Variants in NIPBL observed in about 807,000 individuals in gnomAD.
NIPBL encodes nipped-B-like protein.
NIPBL carries 19 observed loss-of-function variants against 321.8 expected under a neutral mutation model. That is an observed-to-expected ratio of 0.06 (90% confidence interval 0.04 to 0.09). NIPBL has a LOEUF of 0.09. Among genes scored for constraint, NIPBL ranks in the 10% least tolerant of loss-of-function variants. The pLI, the probability that NIPBL is intolerant of heterozygous loss-of-function variation, is 1.00. For synonymous variants in NIPBL, 1,106 were observed against 1,114.1 expected (o/e 0.99, Z 0.14); for missense variants, 2,210 against 3,327.0 (o/e 0.66, Z 8.26).
chr5:37,061,977 G>A (rs1412136148), intron 45 of NIPBL, among the ~76,000 whole-genome samples: 3 of 152,138 alleles, frequency 2.0e-5, no homozygotes, highest in Non-Finnish European at 4.4e-5. Context: ...GCATAGCTGG[G>A]ATTACAGGCG....
chr5:37,061,166 T>C, intron 45 of NIPBL, 148 bp downstream of exon 45: 1 of 642,426 alleles, frequency 1.6e-6, no homozygotes, highest in Admixed American at 2.9e-5. Context: ...CTTATTTTAA[T>C]GAGTTACTTT....
At chr5:36,943,054 TTTG>T (rs1739288452) in intron 1 of NIPBL, among the ~76,000 whole-genome samples, 1 of 152,192 alleles carries the variant, frequency 6.6e-6, no homozygotes, top group Non-Finnish European at 1.5e-5. Flanking sequence ...ACTTCAAATT[TTTG>T]TTGTATTTTT....
At position 37,000,374 on chromosome 5, in the gene NIPBL, C is replaced by T. The variant is rs1409981092; in HGVS notation, c.3306C>T (p.Ser1102=). 1.8e-5 allele frequency: 29 copies of T among 1,611,958 alleles called. No homozygotes were observed. In the Admixed American group the frequency reaches 2.8e-4, roughly 16 times the overall value. ...TTTGTCATGGGGATTTGCTTCTAGC[C>T]TCTAGGAAACGACATAAAAAAGATG... ...EDNDSDEAFE[S]SRKRHKKDDD... The change falls in exon 12 of 47, where the codon TCC becomes TCT. Residue 1102 remains serine, a splice_region_variant and synonymous_variant. Transcript: ENST00000282516.
intron 37 of NIPBL, 122 bp from the exon 38 acceptor site, chr5:37,045,987 A>C: frequency 1.6e-6 from 1 of 642,808 alleles, no homozygotes; most frequent in Non-Finnish European, 2.8e-6. Context: ...GGAATTGGTT[A>C]CTTATTTTTT....
At chr5:37,016,250 A>G (rs1748978604) in intron 23 of NIPBL, 80 bp downstream of exon 23, 3 of 1,390,786 alleles carry the variant, frequency 2.2e-6, no homozygotes, top group Non-Finnish European at 3.0e-6. Flanking sequence ...CAGATGATGA[A>G]TTCTTTAAAA....
At position 36,975,253 on chromosome 5, in the gene NIPBL, A is replaced by G. The variant is rs559424080; in HGVS notation, c.869-523A>G. ...TTTGAAGTAAGTAAAGGCTCTAGTAATTGTAAATTGACCACTTGCTTTTTG... is the reference window on the plus strand; with the variant it reads ...TTTGAAGTAAGTAAAGGCTCTAGTAGTTGTAAATTGACCACTTGCTTTTTG... On this transcript the variant is annotated intron_variant, in intron 8 of 46. Coordinates refer to ENST00000282516, the MANE Select transcript of NIPBL (RefSeq NM_133433.4). 3.3e-5 allele frequency among the ~76,000 whole-genome samples: 5 copies of G among 152,242 alleles called. No homozygotes were observed. The South Asian group carries it at 6.2e-4, about 19-fold the overall frequency.
chr5:36,883,689 A>G (rs1745671158), intron 1 of NIPBL, among the ~76,000 whole-genome samples: 1 of 152,026 alleles, frequency 6.6e-6, no homozygotes, highest in African/African-American at 2.4e-5. Flanking sequence ...AGTTTTCTCA[A>G]CACTGCTACT....
intron 1 of NIPBL, among the ~76,000 whole-genome samples, chr5:36,938,868 G>T (rs1738752920): frequency 6.6e-6 from 1 of 152,124 alleles, no homozygotes; most frequent in South Asian, 2.1e-4. Context: ...ATGTACTGTT[G>T]TGTGCGTGTA....
intron 1 of NIPBL, among the ~76,000 whole-genome samples, chr5:36,920,276 A>G (rs1233519902): frequency 2.0e-5 from 3 of 152,200 alleles, no homozygotes; most frequent in Admixed American, 2.0e-4. Flanking sequence ...TGTTACAAGC[A>G]TGTTGTCAAT....
chr5:36,965,558 C>G (rs1249863038), intron 6 of NIPBL, among the ~76,000 whole-genome samples: 2 of 151,968 alleles, frequency 1.3e-5, no homozygotes, highest in Non-Finnish European at 1.5e-5. Flanking sequence ...TTAATGGGGA[C>G]AAATATACTG....
At chr5:36,974,314 A>G (rs961356873) in intron 8 of NIPBL, among the ~76,000 whole-genome samples, 4 of 152,196 alleles carry the variant, frequency 2.6e-5, no homozygotes, top group Admixed American at 1.3e-4. Flanking sequence ...TTTTCTAACT[A>G]GTTTTGAAGG....
intron 11 of NIPBL, among the ~76,000 whole-genome samples, chr5:36,997,565 A>G (rs1188842270): frequency 2.6e-5 from 4 of 152,166 alleles, no homozygotes. Context: ...TCTATGCCCA[A>G]CTATATCGAA....
chr5:36,942,098 A>G (rs2149584483), intron 1 of NIPBL, among the ~76,000 whole-genome samples: 1 of 152,158 alleles, frequency 6.6e-6, no homozygotes, highest in South Asian at 2.1e-4. Context: ...GATCCTTAGT[A>G]AAAAGCTGTT....
chr5:36,957,632 T>C (rs889970124), intron 3 of NIPBL, among the ~76,000 whole-genome samples: 2 of 152,158 alleles, frequency 1.3e-5, no homozygotes, highest in Non-Finnish European at 2.9e-5. Flanking sequence ...CTTAGAAGAA[T>C]CCCTCTCTGT....
chr5:36,978,536 G>A (rs1239054123), intron 9 of NIPBL, among the ~76,000 whole-genome samples: 2 of 151,720 alleles, frequency 1.3e-5, no homozygotes, highest in Non-Finnish European at 2.9e-5. Flanking sequence ...CATTCTCTAG[G>A]TTGTCTGTTT....
At chr5:37,001,834 G>C (rs560396428) in intron 14 of NIPBL, among the ~76,000 whole-genome samples, 1 of 152,230 alleles carries the variant, frequency 6.6e-6, no homozygotes, top group East Asian at 1.9e-4. Flanking sequence ...GCAATGTATA[G>C]AGCTATTCTT....
chr5:36,929,191 C>T (rs1044980010), intron 1 of NIPBL, among the ~76,000 whole-genome samples: 17 of 152,030 alleles, frequency 1.1e-4, no homozygotes, highest in Non-Finnish European at 2.2e-4. Flanking sequence ...AACATTATGA[C>T]AGTTTAATGG....
intron 8 of NIPBL, 95 bp downstream of exon 8, chr5:36,972,136 T>A (rs999434877): frequency 2.4e-6 from 2 of 832,588 alleles, no homozygotes; most frequent in Non-Finnish European, 3.9e-6. Flanking sequence ...AAAGTTATTC[T>A]GTATTTTTTT....
intron 1 of NIPBL, among the ~76,000 whole-genome samples, chr5:36,926,508 T>A (rs929266047): frequency 6.6e-6 from 1 of 152,228 alleles, no homozygotes; most frequent in African/African-American, 2.4e-5. Context: ...GCATGGCTTT[T>A]TCATGGTCAT....
Sources: gnomAD v4.1 joint callset for allele counts (sites outside exome capture counted in the v4.1 genomes callset) on GRCh38, gnomAD v4.1.1 for gene constraint, MANE v1.5 for transcripts, NCBI Gene and HGNC (gene_info 2026-07-23, HGNC 2026-07-21) for gene names.